The following MUC7 variants were observed in gnomAD, a reference collection of about 807,000 sequenced individuals.
MUC7 encodes mucin-7.
Under a neutral mutation model 2.5 loss-of-function variants are expected in MUC7, and 2 were observed. The observed-to-expected ratio is 0.81, with a 90% CI of 0.33 to 2.55. The LOEUF (loss-of-function observed/expected upper bound fraction) is 2.55, where lower values mean the gene tolerates loss of function less well. Ranked by LOEUF, MUC7 falls within the 30% of genes most tolerant of loss-of-function variation. MUC7 has a pLI of 0.11. For synonymous variants in MUC7, 133 were observed against 173.4 expected (o/e 0.77, Z 1.83); for missense variants, 408 against 455.6 (o/e 0.90, Z 0.95).
At chr4:70,468,301 T>G (rs1358529637), upstream of MUC7, among the ~76,000 whole-genome samples, 1 of 152,144 alleles carries the variant, frequency 6.6e-6, no homozygotes, top group African/African-American at 2.4e-5. Flanking sequence ...GCCAATATCA[T>G]ACTGAATGGG....
chr4:70,478,407 A>G (rs1425625395), intron 2 of MUC7, among the ~76,000 whole-genome samples: 1 of 152,212 alleles, frequency 6.6e-6, no homozygotes, highest in Admixed American at 6.5e-5. Flanking sequence ...GGCTCATGTG[A>G]TTAAGGGAAT....
intron 2 of MUC7, among the ~76,000 whole-genome samples, chr4:70,476,682 G>A (rs1735014984): frequency 6.6e-6 from 1 of 152,202 alleles, no homozygotes; most frequent in Non-Finnish European, 1.5e-5. Context: ...AGCTACTTGG[G>A]AGGCTGATGG....
At chr4:70,463,451 T>C (rs2109729308) in intron 1 of MUC7, among the ~76,000 whole-genome samples, 1 of 152,330 alleles carries the variant, frequency 6.6e-6, no homozygotes, top group Admixed American at 6.5e-5. Flanking sequence ...GAGAAGTTTC[T>C]ATTATTTTTT....
chr4:70,460,066 C>T (rs1734516847), intron 1 of MUC7, among the ~76,000 whole-genome samples: 1 of 151,790 alleles, frequency 6.6e-6, no homozygotes, highest in Non-Finnish European at 1.5e-5. Flanking sequence ...AGTTATGGGC[C>T]CATTTTTGGT....
At chr4:70,456,924 T>C (rs1458217852) in intron 1 of MUC7, among the ~76,000 whole-genome samples, 1 of 152,170 alleles carries the variant, frequency 6.6e-6, no homozygotes, top group African/African-American at 2.4e-5. Context: ...CAAAGCCTTC[T>C]CCTCTATATT....
chr4:70,481,224 A>G lies in MUC7; in HGVS notation c.480A>G (p.Pro160=). The G allele has an allele frequency of 6.2e-7, 1 of 1,614,178 alleles. No individual in the cohort carries two copies. ...CTACATTAGCACCAGTGAATTCCCC[A>G]GCTCCACAAGACACCACAGCTGCCC... ...SVATLAPVNS[P]APQDTTAAPP... The change falls in exon 3 of 3, where the codon CCA becomes CCG. Residue 160 remains proline, a synonymous_variant. Coordinates refer to ENST00000304887, the MANE Select transcript of MUC7 (RefSeq NM_152291.3).
Position 70,457,441 on chromosome 4 carries a change from C to G in MUC7, c.-92-14774C>G, listed in dbSNP as rs143212373. ...TGGGTGACAGAGCAAGACCTTGTCT[C>G]AATCAATCAATCATGTACACTTATG... On this transcript the variant is annotated intron_variant, in intron 1 of 3. Transcript: ENST00000413702. Among the ~76,000 whole-genome samples the G allele has an allele frequency of 3.6e-3, 549 of 151,844 alleles. 2 individuals are homozygous for G. The highest frequency in any genetic ancestry group is 0.013 in the African/African-American group (533 of 41,424).
In MUC7 at chr4:70,436,478, C is replaced by T. The variant is rs375524954; in HGVS notation, c.-93+5791C>T. On this transcript the variant is annotated intron_variant, in intron 1 of 3. Transcript: ENST00000413702. ...TCTTCAATCATTGATACCCTTCCTT[C>T]GCTTGATAAAATCGGCTATTGAAGC... Among the ~76,000 whole-genome samples, 42 of 152,254 alleles carry T rather than the reference C, an allele frequency of 2.8e-4. No homozygotes were observed. In the East Asian group the frequency reaches 4.8e-3, roughly 17 times the overall value.
intron 1 of MUC7, among the ~76,000 whole-genome samples, chr4:70,439,036 C>T (rs548595971): frequency 6.6e-6 from 1 of 152,066 alleles, no homozygotes; most frequent in East Asian, 1.9e-4. Flanking sequence ...AGGCAAATCA[C>T]AAGAAACAAA....
chr4:70,448,810 C>T (rs112376323), intron 1 of MUC7, among the ~76,000 whole-genome samples: 220 of 152,178 alleles, frequency 1.4e-3, no homozygotes, highest in African/African-American at 5.0e-3. Flanking sequence ...GCTTTGGTTT[C>T]CTGTGCTTGT....
intron 1 of MUC7, among the ~76,000 whole-genome samples, chr4:70,437,805 A>G (rs1733891129): frequency 6.6e-6 from 1 of 151,776 alleles, no homozygotes; most frequent in South Asian, 2.1e-4. Context: ...CTTCTGCATC[A>G]GTCTCGCTGG....
At chr4:70,448,494 G>A (rs1320747481) in intron 1 of MUC7, among the ~76,000 whole-genome samples, 1 of 152,124 alleles carries the variant, frequency 6.6e-6, no homozygotes, top group Non-Finnish European at 1.5e-5. Context: ...TCTCATTGCA[G>A]TTTTGATTTG....
Position 70,481,585 on chromosome 4 carries a change from A to G in MUC7, c.841A>G (p.Thr281Ala), listed in dbSNP as rs1296821163. The G allele has an allele frequency of 1.9e-6, 3 of 1,611,576 alleles. No individual in the cohort carries two copies. The highest frequency in any genetic ancestry group is 2.5e-6 in the Non-Finnish European group (3 of 1,179,080). ...ATCCGCCTCAGCTCCACCAGAGACC[A>G]CAGCTGCCCCACCCACACCTTCTGC... ...PSSASAPPET[T>A]AAPPTPSATT... The change falls in exon 3 of 3, where the codon ACA becomes GCA. Residue 281 changes from threonine (T) to alanine (A), a missense_variant. Physicochemically the swap from Thr to Ala is moderately conservative, Grantham distance 58. This residue lies in a region of MUC7 where 175 missense variants were observed against 187.1 expected (regional missense o/e 0.94). Coordinates refer to ENST00000304887, the MANE Select transcript of MUC7 (RefSeq NM_152291.3).
At position 70,474,074 on chromosome 4, in the gene MUC7, C is replaced by A. The variant is rs764652454; in HGVS notation, c.53C>A (p.Ser18Ter). ...VCICALSACFSFSEGRERDHE... is the reference protein window; with the variant it reads ...VCICALSACF ...ATCTGTGCACTGAGTGCTTGCTTCT[C>A]GGTAAGTATTCACCCAAATAAGTTT... The change falls in exon 2 of 3, where the codon TCG (serine) becomes TAG (stop). Residue 18 changes from serine to a stop codon, truncating the protein, a stop_gained and splice_region_variant. Coordinates refer to ENST00000304887, the MANE Select transcript of MUC7 (RefSeq NM_152291.3). LOFTEE classifies it low-confidence loss of function (END_TRUNC). 1 of 1,612,022 alleles carries A rather than the reference C, an allele frequency of 6.2e-7. No individual in the cohort carries two copies. The highest frequency in any genetic ancestry group is 2.2e-5 in the East Asian group (1 of 44,848).
chr4:70,473,443 C>T (rs79492128), intron 1 of MUC7, among the ~76,000 whole-genome samples: 1 of 126,738 alleles, frequency 7.9e-6, no homozygotes, highest in African/African-American at 2.8e-5. Context: ...GACTCTGTCT[C>T]AAAAAAAAAA....
chr4:70,468,855 C>T (rs764994369), upstream of MUC7, among the ~76,000 whole-genome samples: 34 of 152,236 alleles, frequency 2.2e-4, no homozygotes, highest in East Asian at 3.5e-3. Flanking sequence ...AGATTCAATG[C>T]TATCCCCACC....
chr4:70,477,871 C>G (rs966067333), intron 2 of MUC7, among the ~76,000 whole-genome samples: 1 of 152,060 alleles, frequency 6.6e-6, no homozygotes, highest in Non-Finnish European at 1.5e-5. Flanking sequence ...TGTGAACAGG[C>G]AGGCAGGGTT....
intron 1 of MUC7, among the ~76,000 whole-genome samples, chr4:70,444,092 T>C (rs138075624): frequency 1.7e-4 from 26 of 152,226 alleles, no homozygotes; most frequent in African/African-American, 6.3e-4. Flanking sequence ...CTTCCACAAA[T>C]ATTGTGACAT....
At chr4:70,471,381 G>C (rs1375528603), upstream of MUC7, among the ~76,000 whole-genome samples, 1 of 152,024 alleles carries the variant, frequency 6.6e-6, no homozygotes, top group Non-Finnish European at 1.5e-5. Flanking sequence ...GGAACAAAAT[G>C]ACTAAAAATA....
Sources: gnomAD v4.1 joint callset for allele counts (sites outside exome capture counted in the v4.1 genomes callset) on GRCh38, gnomAD v4.1.1 for gene constraint, gnomAD v4.1.1 regional missense constraint, MANE v1.5 for transcripts, NCBI Gene and HGNC (gene_info 2026-07-23, HGNC 2026-07-21) for gene names.